Variants in LEPR observed in about 807,000 individuals in gnomAD.
The protein encoded by LEPR is leptin receptor, also known as OB receptor.
In LEPR, 56 loss-of-function variants were observed where a neutral mutation model predicts 114.7. The ratio of observed to expected loss-of-function variants is 0.49; its 90% CI spans 0.39 to 0.61. The LOEUF (loss-of-function observed/expected upper bound fraction) is 0.61. Among genes scored for constraint, LEPR ranks in the 20% least tolerant of loss-of-function variants. LEPR has a pLI of 0.00. For synonymous variants in LEPR, 443 were observed against 461.4 expected (o/e 0.96, Z 0.51); for missense variants, 1,202 against 1,352.9 (o/e 0.89, Z 1.75).
chr1:65,433,042 C>T, intron 2 of LEPR: 1 of 985,378 alleles, frequency 1.0e-6, no homozygotes, highest in Non-Finnish European at 1.2e-6. Flanking sequence ...AAGAGCTCCA[C>T]TGAGATGCGG....
rs374728492 is a variant in LEPR, at chr1:65,623,019, G to C, written c.2673+38G>C. The C allele has an allele frequency of 3.2e-6, 5 of 1,587,232 alleles. No homozygotes were observed. The East Asian group carries it at 1.1e-4, about 36-fold the overall frequency. Reference sequence around the variant, plus strand: ...ATTTTTTTTAACCCAGAATATATACGATTGCAATCTAGACGCCATATGACT... The same window carrying C: ...ATTTTTTTTAACCCAGAATATATACCATTGCAATCTAGACGCCATATGACT... On this transcript the variant is annotated intron_variant, in intron 19 of 19. Coordinates refer to ENST00000349533, the MANE Select transcript of LEPR (RefSeq NM_002303.6).
At chr1:65,433,836 G>T in intron 2 of LEPR, 1 of 984,510 alleles carries the variant, frequency 1.0e-6, no homozygotes, top group Non-Finnish European at 1.2e-6. Context: ...TTGTGATGTT[G>T]CCTTGCCTGA....
intron 2 of LEPR, among the ~76,000 whole-genome samples, chr1:65,556,904 A>G (rs901025526): frequency 6.6e-5 from 10 of 152,164 alleles, no homozygotes; most frequent in Non-Finnish European, 1.2e-4. Context: ...CAATGTGTTA[A>G]TAAGATCACT....
intron 4 of LEPR, 152 bp from the exon 5 acceptor site, chr1:65,572,174 C>A: frequency 9.1e-7 from 1 of 1,094,762 alleles, no homozygotes; most frequent in Non-Finnish European, 1.2e-6. Flanking sequence ...CTAGTTAAAG[C>A]TTGTTCTTTT....
At chr1:65,625,450 G>A (rs1361102317) in intron 19 of LEPR, among the ~76,000 whole-genome samples, 1 of 152,094 alleles carries the variant, frequency 6.6e-6, no homozygotes, top group Admixed American at 6.5e-5. Flanking sequence ...GTTTAATGGG[G>A]ATGATAATCA....
rs535303928 is a variant in LEPR at position 65,544,173 on chromosome 1, G to A, written c.-20-21373G>A. 6.5e-4 allele frequency among the ~76,000 whole-genome samples: 98 copies of A among 151,058 alleles called. 2 individuals are homozygous for A. Among genetic ancestry groups the A allele is most frequent in the African/African-American group, 2.3e-3 (95 of 41,164 alleles). ...GTGGTTTGTAGTTTTCCTTGAAGAG[G>A]TCATTAGGTATTTTATTCTCTTTGT... On this transcript the variant is annotated intron_variant, in intron 2 of 19. Coordinates refer to ENST00000349533, the MANE Select transcript of LEPR (RefSeq NM_002303.6).
intron 2 of LEPR, among the ~76,000 whole-genome samples, chr1:65,538,982 T>G (rs74986928): frequency 0.011 from 1,602 of 152,090 alleles, 10 homozygotes; most frequent in Non-Finnish European, 0.015. Context: ...TATTCTTTTT[T>G]TCTGGAAGTA....
chr1:65,500,684 A>G (rs10158566), intron 2 of LEPR, among the ~76,000 whole-genome samples: 7,422 of 152,232 alleles, frequency 0.049, 575 homozygotes, highest in African/African-American at 0.16. Context: ...CATACAAAAT[A>G]TGTGTTAATT....
At chr1:65,547,520 C>T (rs1452848634) in intron 2 of LEPR, among the ~76,000 whole-genome samples, 2 of 151,726 alleles carry the variant, frequency 1.3e-5, no homozygotes, top group Non-Finnish European at 2.9e-5. Context: ...TCAACTTCTT[C>T]CTGATTTAGT....
intron 19 of LEPR, chr1:65,626,351 A>G: frequency 7.8e-7 from 1 of 1,275,078 alleles, no homozygotes; most frequent in Non-Finnish European, 1.0e-6. Context: ...GTGGGTGTGA[A>G]TGTTCTTATT....
At chr1:65,587,423 A>C (rs1655383014) in intron 5 of LEPR, among the ~76,000 whole-genome samples, 1 of 152,100 alleles carries the variant, frequency 6.6e-6, no homozygotes. Flanking sequence ...GGCTACCTCT[A>C]ATTCAAAACA....
At chr1:65,555,183 G>A (rs1197683990) in intron 2 of LEPR, among the ~76,000 whole-genome samples, 1 of 152,158 alleles carries the variant, frequency 6.6e-6, no homozygotes, top group African/African-American at 2.4e-5. Flanking sequence ...ACCCCCGCCT[G>A]TTCTTTTTTT....
At chr1:65,565,890 CACAT>C (rs1653716533) in intron 3 of LEPR, among the ~76,000 whole-genome samples, 1 of 152,076 alleles carries the variant, frequency 6.6e-6, no homozygotes, top group Non-Finnish European at 1.5e-5. Flanking sequence ...CTCACACACA[CACAT>C]ACACAGACAC....
intron 2 of LEPR, among the ~76,000 whole-genome samples, chr1:65,551,676 T>G (rs1435591084): frequency 6.6e-6 from 1 of 152,164 alleles, no homozygotes; most frequent in East Asian, 1.9e-4. Flanking sequence ...TCACTGAGTT[T>G]TTGAAGGGTT....
chr1:65,556,102 G>A (rs1652796673), intron 2 of LEPR, among the ~76,000 whole-genome samples: 2 of 152,098 alleles, frequency 1.3e-5, no homozygotes, highest in African/African-American at 2.4e-5. Flanking sequence ...AATGGGATTA[G>A]TGCCCTTATA....
chr1:65,456,920 A>G (rs980452394), intron 2 of LEPR, among the ~76,000 whole-genome samples: 5 of 152,092 alleles, frequency 3.3e-5, no homozygotes, highest in African/African-American at 1.2e-4. Context: ...TTGTATTTTT[A>G]ATTAAATACT....
intron 2 of LEPR, among the ~76,000 whole-genome samples, chr1:65,508,821 G>A (rs969907721): frequency 1.4e-4 from 21 of 151,974 alleles, no homozygotes; most frequent in East Asian, 5.8e-4. Context: ...CTCCATGAGC[G>A]CACAATATCT....
chr1:65,480,156 A>G (rs1647205002), intron 2 of LEPR, among the ~76,000 whole-genome samples: 1 of 152,158 alleles, frequency 6.6e-6, no homozygotes, highest in Non-Finnish European at 1.5e-5. Flanking sequence ...CTACCTATTG[A>G]AAACCTGGAG....
intron 3 of LEPR, among the ~76,000 whole-genome samples, chr1:65,566,489 C>T (rs945648753): frequency 1.3e-5 from 2 of 152,128 alleles, no homozygotes; most frequent in East Asian, 1.9e-4. Context: ...CGTGAGCCAC[C>T]GTGCCCAGCC....
Sources: allele counts gnomAD v4.1 joint callset (sites outside exome capture counted in the v4.1 genomes callset), GRCh38; gene constraint gnomAD v4.1.1; transcripts MANE v1.5; gene names NCBI Gene and HGNC (gene_info 2026-07-23, HGNC 2026-07-21).